Variants in CPED1 observed in about 807,000 individuals in gnomAD.
The protein encoded by CPED1 is cadherin-like and PC-esterase domain-containing protein 1.
Under a neutral mutation model 128.2 loss-of-function variants are expected in CPED1, and 114 were observed. That is an observed-to-expected ratio of 0.89 (90% CI 0.76 to 1.04). The LOEUF is 1.04. Among genes scored for constraint, CPED1 ranks in the 50% least tolerant of loss-of-function variants. The pLI, the probability that CPED1 is intolerant of heterozygous loss-of-function variation, is 0.00. For missense variants in CPED1, 1,211 were observed against 1,207.1 expected (o/e 1.00, Z -0.05); for synonymous variants, 462 against 426.7 (o/e 1.08, Z -1.02).
intron 3 of CPED1, among the ~76,000 whole-genome samples, chr7:121,045,771 T>C (rs998751026): frequency 2.6e-5 from 4 of 152,170 alleles, no homozygotes; most frequent in Non-Finnish European, 4.4e-5. Flanking sequence ...TCATCCAAAA[T>C]GAGGACTATT....
At chr7:121,048,752 TG>T (rs2116910487) in intron 4 of CPED1, among the ~76,000 whole-genome samples, 1 of 152,292 alleles carries the variant, frequency 6.6e-6, no homozygotes, top group Admixed American at 6.5e-5. Context: ...TTGACCAGGC[TG>T]GTCTTGAACT....
chr7:121,155,730 T>A (rs773533398), intron 16 of CPED1, among the ~76,000 whole-genome samples: 2 of 152,188 alleles, frequency 1.3e-5, no homozygotes, highest in Non-Finnish European at 2.9e-5. Context: ...GGCTTAAATC[T>A]GAAACCTGAA....
chr7:121,002,718 T>C (rs1791893618), intron 2 of CPED1, among the ~76,000 whole-genome samples: 1 of 152,216 alleles, frequency 6.6e-6, no homozygotes, highest in Non-Finnish European at 1.5e-5. Context: ...TTAACAAACT[T>C]GTTTTGCCTG....
intron 5 of CPED1, among the ~76,000 whole-genome samples, chr7:121,090,962 T>TAA (rs369642855): frequency 6.9e-6 from 1 of 145,666 alleles, no homozygotes; most frequent in African/African-American, 2.5e-5. Context: ...AAAATAAAAA[T>TAA]AAAAAAAAAA....
chr7:121,240,383 CT>C (rs1315889852), intron 17 of CPED1, among the ~76,000 whole-genome samples: 1 of 152,068 alleles, frequency 6.6e-6, no homozygotes, highest in Non-Finnish European at 1.5e-5. Flanking sequence ...TGAAAACAGC[CT>C]TTCAAAAGAT....
rs147480754 is a variant in CPED1 at position 121,212,719 on chromosome 7, T to C, written c.2056-23995T>C. The stretch of plus-strand genomic sequence containing the variant: ...TGGAAAAAAAAATGAATAGATGTCA[T>C]AAACTGTAAACTTCTTTGGAGAACT... On this transcript the variant is annotated intron_variant, in intron 16 of 22. Coordinates refer to ENST00000310396, the MANE Select transcript of CPED1 (RefSeq NM_024913.5). Among the ~76,000 whole-genome samples, 6 of 152,026 alleles carry C rather than the reference T, an allele frequency of 3.9e-5. No individual in the cohort carries two copies. The East Asian group carries it at 9.7e-4, about 25-fold the overall frequency.
chr7:121,232,780 G>A (rs1288609594), intron 16 of CPED1, among the ~76,000 whole-genome samples: 3 of 152,072 alleles, frequency 2.0e-5, no homozygotes, highest in African/African-American at 4.8e-5. Flanking sequence ...GCTGGAGGGA[G>A]TAATTGCATA....
chr7:121,162,724 G>C (rs1400775405), intron 16 of CPED1, among the ~76,000 whole-genome samples: 4 of 152,162 alleles, frequency 2.6e-5, no homozygotes, highest in Non-Finnish European at 4.4e-5. Flanking sequence ...GTGTATTTTA[G>C]TTGTTACCTC....
intron 16 of CPED1, among the ~76,000 whole-genome samples, chr7:121,168,533 C>A (rs1796584124): frequency 1.3e-5 from 2 of 152,068 alleles, no homozygotes; most frequent in Admixed American, 1.3e-4. Context: ...ATGTAATGAT[C>A]ACATCATGGA....
intron 16 of CPED1, among the ~76,000 whole-genome samples, chr7:121,204,685 T>C (rs981148207): frequency 6.6e-6 from 1 of 152,056 alleles, no homozygotes; most frequent in Non-Finnish European, 1.5e-5. Flanking sequence ...ACAATACTAG[T>C]TAAGAGTGGA....
chr7:121,082,303 C>T (rs578127556), intron 5 of CPED1, among the ~76,000 whole-genome samples: 2 of 152,078 alleles, frequency 1.3e-5, no homozygotes, highest in South Asian at 4.2e-4. Flanking sequence ...CTCTGGATAT[C>T]CATGGATTGA....
chr7:121,238,158 T>A (rs1798303424), intron 17 of CPED1, among the ~76,000 whole-genome samples: 1 of 152,188 alleles, frequency 6.6e-6, no homozygotes, highest in African/African-American at 2.4e-5. Flanking sequence ...GTACGCTAAC[T>A]TATGTTAGGC....
chr7:121,049,598 A>G (rs760514818), intron 4 of CPED1, among the ~76,000 whole-genome samples: 5 of 152,256 alleles, frequency 3.3e-5, no homozygotes, highest in African/African-American at 4.8e-5. Context: ...ATTTAGCACA[A>G]TAAGCTATTC....
chr7:121,111,120 C>A (rs559810876), intron 7 of CPED1, among the ~76,000 whole-genome samples: 20 of 152,240 alleles, frequency 1.3e-4, no homozygotes, highest in East Asian at 3.9e-4. Flanking sequence ...GAGAGGCACA[C>A]AGGTTCCTGT....
intron 4 of CPED1, among the ~76,000 whole-genome samples, chr7:121,062,259 G>T (rs1793692207): frequency 6.6e-6 from 1 of 152,112 alleles, no homozygotes; most frequent in South Asian, 2.1e-4. Context: ...CACCAGCAAC[G>T]GAATGATTTT....
At chr7:121,182,750 A>G (rs555161189) in intron 16 of CPED1, among the ~76,000 whole-genome samples, 8 of 152,124 alleles carry the variant, frequency 5.3e-5, no homozygotes, top group Admixed American at 4.6e-4. Context: ...TATTGGGATT[A>G]CTTTGGGCAA....
chr7:121,053,242 T>C (rs1324100324), intron 4 of CPED1, among the ~76,000 whole-genome samples: 1 of 152,174 alleles, frequency 6.6e-6, no homozygotes, highest in Non-Finnish European at 1.5e-5. Context: ...CCTTTTCTGC[T>C]CTAGGAACCT....
intron 16 of CPED1, among the ~76,000 whole-genome samples, chr7:121,164,347 A>T (rs1201400750): frequency 6.6e-6 from 1 of 152,222 alleles, no homozygotes; most frequent in Admixed American, 6.5e-5. Context: ...CAATGTAGCA[A>T]CTGAGGAATC....
At chr7:121,129,312 C>T (rs76431473) in intron 11 of CPED1, among the ~76,000 whole-genome samples, 40 of 13,628 alleles carry the variant, frequency 2.9e-3, no homozygotes, top group East Asian at 0.018. Flanking sequence ...TATATATATA[C>T]GTATATATAT....
Sources: gnomAD v4.1 joint callset for allele counts (sites outside exome capture counted in the v4.1 genomes callset) on GRCh38, gnomAD v4.1.1 for gene constraint, MANE v1.5 for transcripts, NCBI Gene and HGNC (gene_info 2026-07-23, HGNC 2026-07-21) for gene names.